PDE1C: variants seen among roughly 807,000 people sequenced by gnomAD.
The protein encoded by PDE1C is dual specificity calcium/calmodulin-dependent 3',5'-cyclic nucleotide phosphodiesterase 1C.
In PDE1C, 62 loss-of-function variants were observed where a neutral mutation model predicts 93.1. The ratio of observed to expected loss-of-function variants is 0.67; its 90% CI spans 0.54 to 0.82. The LOEUF (loss-of-function observed/expected upper bound fraction) is 0.82, where lower values mean the gene tolerates loss of function less well. Ranked by LOEUF, PDE1C falls within the 40% of genes least tolerant of loss-of-function variation. The pLI is 0.00. For missense variants in PDE1C, 742 were observed against 884.6 expected (o/e 0.84, Z 2.04); for synonymous variants, 325 against 310.1 (o/e 1.05, Z -0.50).
At chr7:31,846,934 C>A (rs1390507149) in intron 9 of PDE1C, among the ~76,000 whole-genome samples, 3 of 152,044 alleles carry the variant, frequency 2.0e-5, no homozygotes, top group Non-Finnish European at 2.9e-5. Flanking sequence ...TAAAAATCAG[C>A]CTCTCAGATT....
upstream of PDE1C, among the ~76,000 whole-genome samples, chr7:32,071,907 G>C (rs1010385619): frequency 6.6e-6 from 1 of 152,170 alleles, no homozygotes; most frequent in Admixed American, 6.5e-5. Flanking sequence ...CAGGGTTCCT[G>C]AGATTCAGGG....
At chr7:31,928,923 C>A (rs1047288235) in intron 2 of PDE1C, among the ~76,000 whole-genome samples, 2 of 152,138 alleles carry the variant, frequency 1.3e-5, no homozygotes, top group African/African-American at 4.8e-5. Context: ...GGATCAAATT[C>A]ACACACAACA....
At chr7:31,785,118 A>C (rs1783789035) in intron 16 of PDE1C, 1 of 152,364 alleles carries the variant, frequency 6.6e-6, no homozygotes, top group East Asian at 1.9e-4. Context: ...AAACTGACTG[A>C]GAAATGATCC....
At chr7:32,161,803 C>T (rs1361801735) in intron 3 of PDE1C, among the ~76,000 whole-genome samples, 1 of 152,084 alleles carries the variant, frequency 6.6e-6, no homozygotes, top group Admixed American at 6.5e-5. Flanking sequence ...TGAAAGCTTC[C>T]TGAGGGTTAT....
chr7:31,850,806 AACAC>A, intron 7 of PDE1C, 65 bp from the exon 8 acceptor site: 1 of 1,158,514 alleles, frequency 8.6e-7, no homozygotes, highest in Non-Finnish European at 1.3e-6. Flanking sequence ...GCTTGCTGAC[AACAC>A]ACCCACAGTG....
intron 16 of PDE1C, among the ~76,000 whole-genome samples, chr7:31,795,962 G>A (rs1332509607): frequency 2.6e-5 from 4 of 151,002 alleles, no homozygotes; most frequent in African/African-American, 7.3e-5. Flanking sequence ...ATGTTTAATC[G>A]AAAAAACCTT....
chr7:31,642,815 G>A, the PDE1C span: 22 of 1,613,722 alleles, frequency 1.4e-5, no homozygotes, highest in Non-Finnish European at 1.8e-5. Flanking sequence ...AGTAGGGCGA[G>A]CATGTCTTTT....
intron 3 of PDE1C, among the ~76,000 whole-genome samples, chr7:32,145,651 ATTAT>A (rs1407877043): frequency 6.6e-6 from 1 of 152,198 alleles, no homozygotes; most frequent in African/African-American, 2.4e-5. Flanking sequence ...TTACAAAATT[ATTAT>A]TATTACTAAT....
At chr7:31,790,309 C>A (rs771456578) in intron 16 of PDE1C, 1 of 1,517,414 alleles carries the variant, frequency 6.6e-7, no homozygotes, top group Non-Finnish European at 9.1e-7. Flanking sequence ...CCTTTCCCCC[C>A]GCCCACCTCC....
chr7:31,651,081 G>A, the PDE1C span: 7 of 1,565,786 alleles, frequency 4.5e-6, no homozygotes, highest in Non-Finnish European at 5.2e-6. Flanking sequence ...GCTCCACCAT[G>A]GTGAGCTCTT....
chr7:31,839,909 C>T (rs190637859), intron 9 of PDE1C, among the ~76,000 whole-genome samples: 137 of 152,240 alleles, frequency 9.0e-4, no homozygotes, highest in African/African-American at 2.4e-3. Context: ...TTGTGGCATG[C>T]GCCTGTAGTC....
At chr7:31,789,820 T>C (rs1784379544) in intron 16 of PDE1C, 2 of 998,616 alleles carry the variant, frequency 2.0e-6, no homozygotes, top group Non-Finnish European at 2.4e-6. Context: ...AGTAACGGCA[T>C]TGACAGTCAT....
chr7:31,809,093 C>A lies in PDE1C; in HGVS notation c.1829G>T (p.Gly610Val), dbSNP rs773496943. 1 of 1,584,842 alleles carries A rather than the reference C, an allele frequency of 6.3e-7. No homozygotes were observed. Among genetic ancestry groups the A allele is most frequent in the Non-Finnish European group, 8.7e-7 (1 of 1,154,772 alleles). The change falls in exon 16 of 18, where the codon GGT (glycine) becomes GTT (valine). Residue 610 changes from glycine (G) to valine (V), a missense_variant. Physicochemically the swap from Gly to Val is moderately radical, Grantham distance 109. Around this residue, in one of 4 missense-constraint regions of PDE1C, gnomAD observed 454 missense variants for 459.4 expected, o/e 0.99. Transcript: ENST00000396191. ...EQQQNGDFKD[G>V]KNKTDKKDHS... ...ATCCTTCTTGTCTGTCTTATTTTTA[C>A]CATCTTTGAAGTCACCTGAAAGTAA...
intron 2 of PDE1C, among the ~76,000 whole-genome samples, chr7:31,896,582 A>G (rs185404355): frequency 2.4e-3 from 368 of 152,284 alleles, no homozygotes; most frequent in African/African-American, 8.3e-3. Flanking sequence ...TAAGAATAGG[A>G]AAAAAAGACA....
At chr7:31,672,529 T>C in the PDE1C span, among the ~76,000 whole-genome samples, 2 of 152,160 alleles carry the variant, frequency 1.3e-5, no homozygotes, top group African/African-American at 2.4e-5. Context: ...AATGAGGTTA[T>C]ACATTTTTGA....
At chr7:32,006,085 G>A (rs924033484) in intron 2 of PDE1C, among the ~76,000 whole-genome samples, 1 of 151,800 alleles carries the variant, frequency 6.6e-6, no homozygotes, top group Non-Finnish European at 1.5e-5. Context: ...TCCTTTCTTG[G>A]TTCCATTAGT....
chr7:31,955,565 G>C (rs1273860716), intron 2 of PDE1C, among the ~76,000 whole-genome samples: 1 of 152,144 alleles, frequency 6.6e-6, no homozygotes, highest in Non-Finnish European at 1.5e-5. Context: ...GGGTGGGGCA[G>C]TATAAAGTAT....
chr7:32,410,262 G>A (rs959176586), intron 1 of PDE1C, among the ~76,000 whole-genome samples: 1 of 152,028 alleles, frequency 6.6e-6, no homozygotes, highest in Non-Finnish European at 1.5e-5. Flanking sequence ...GAGCCCAGGA[G>A]GCAGAGTGCA....
chr7:31,695,836 T>C, the PDE1C span: 1 of 397,686 alleles, frequency 2.5e-6, no homozygotes, highest in African/African-American at 2.1e-5. Context: ...TTTATTTTTT[T>C]TACCTACCAA....
Sources: allele counts gnomAD v4.1 joint callset (sites outside exome capture counted in the v4.1 genomes callset), GRCh38; gene constraint gnomAD v4.1.1; regional missense constraint gnomAD v4.1.1; transcripts MANE v1.5; gene names NCBI Gene and HGNC (gene_info 2026-07-23, HGNC 2026-07-21).